Variants in DIAPH3 observed in about 807,000 individuals in gnomAD.
DIAPH3 encodes the protein protein diaphanous homolog 3.
Under a neutral mutation model 144.3 loss-of-function variants are expected in DIAPH3, and 117 were observed. The ratio of observed to expected loss-of-function variants is 0.81; its 90% CI spans 0.70 to 0.95. The LOEUF is 0.95. DIAPH3 is among the 40% of genes least tolerant of loss of function. DIAPH3 has a pLI of 0.00. For synonymous variants in DIAPH3, 519 were observed against 488.9 expected, an observed-to-expected ratio of 1.06 and a Z score of -0.81; for missense variants, 1,421 against 1,412.7, an observed-to-expected ratio of 1.01 and a Z score of -0.09.
chr13:60,059,507 T>C (rs927584396), intron 4 of DIAPH3, among the ~76,000 whole-genome samples: 1 of 152,064 alleles, frequency 6.6e-6, no homozygotes, highest in African/African-American at 2.4e-5. Context: ...CTTAAAATAC[T>C]TTACATAGAT....
intron 27 of DIAPH3, among the ~76,000 whole-genome samples, chr13:59,708,681 T>G (rs547284962): frequency 6.6e-6 from 1 of 152,114 alleles, no homozygotes. Flanking sequence ...AACTCTCATA[T>G]CTACACTTAA....
intron 27 of DIAPH3, among the ~76,000 whole-genome samples, chr13:59,751,731 A>G (rs2037016829): frequency 6.6e-6 from 1 of 152,254 alleles, no homozygotes; most frequent in South Asian, 2.1e-4. Context: ...GAGAATATCT[A>G]TTATACTGTT....
chr13:60,064,894 T>C (rs1195281114), intron 4 of DIAPH3, among the ~76,000 whole-genome samples: 3 of 152,128 alleles, frequency 2.0e-5, no homozygotes, highest in Non-Finnish European at 4.4e-5. Context: ...GAAGTCATTG[T>C]AGGGTTATTA....
At chr13:59,983,315 T>C (rs1457514725) in intron 13 of DIAPH3, among the ~76,000 whole-genome samples, 2 of 151,416 alleles carry the variant, frequency 1.3e-5, no homozygotes, top group Non-Finnish European at 3.0e-5. Flanking sequence ...CTATGGAGAA[T>C]TTGTAACATC....
rs867713294 is a variant in DIAPH3, at chr13:60,042,702, C to T, written c.614G>A (p.Ser205Asn). The T allele has an allele frequency of 1.2e-6, 2 of 1,613,602 alleles. No individual in the cohort carries two copies. The highest frequency in any genetic ancestry group is 1.7e-6 in the Non-Finnish European group (2 of 1,179,688). The change falls in exon 5 of 28, where the codon AGC becomes AAC. Residue 205 changes from serine to asparagine, a missense_variant. Transcript: ENST00000400324. ...ATAGATGAATTACCTCACAGGATTG[C>T]TGGTCAAAGACACTCGGAGAGACTC... is the stretch of plus-strand genomic sequence containing the variant. The part of the protein sequence containing the change: ...CLESLRVSLT[S>N]NPVSWVESFG...
intron 3 of DIAPH3, among the ~76,000 whole-genome samples, chr13:60,107,253 T>C (rs1030945524): frequency 6.6e-6 from 1 of 152,010 alleles, no homozygotes; most frequent in Non-Finnish European, 1.5e-5. Context: ...AACTGTATTC[T>C]TATACAGACA....
chr13:59,737,984 T>G (rs971912095), intron 27 of DIAPH3, among the ~76,000 whole-genome samples: 2 of 152,024 alleles, frequency 1.3e-5, no homozygotes, highest in African/African-American at 4.8e-5. Context: ...CTGGCCAAGA[T>G]GATGAAAATC....
At position 59,970,939 on chromosome 13, in the gene DIAPH3, A is replaced by C; in HGVS notation, c.1872T>G (p.Ser624=). 1 of 1,613,924 alleles carries C rather than the reference A, an allele frequency of 6.2e-7. No homozygotes were observed. Among genetic ancestry groups the C allele is most frequent in the Non-Finnish European group, 8.5e-7 (1 of 1,179,978 alleles). Residue 624 remains serine, a synonymous_variant, in exon 16 of 28, where the codon TCT becomes TCG. Coordinates refer to ENST00000400324, the MANE Select transcript of DIAPH3 (RefSeq NM_001042517.2). ...CAAATGGCAGGATTGGTAGAGGAGG[A>C]GAATTTTGTCCTCCAAGGAATCCCA... is the stretch of plus-strand genomic sequence containing the variant. ...PPLGFLGGQN[S]PPLPILPFGL...
At chr13:59,859,366 C>A in intron 22 of DIAPH3, among the ~76,000 whole-genome samples, 1 of 151,982 alleles carries the variant, frequency 6.6e-6, no homozygotes, top group East Asian at 1.9e-4. Flanking sequence ...AGAAAAATAC[C>A]CAGAAGAACC....
intron 1 of DIAPH3, among the ~76,000 whole-genome samples, chr13:60,150,413 G>A (rs1343252710): frequency 6.6e-6 from 1 of 152,186 alleles, no homozygotes; most frequent in Non-Finnish European, 1.5e-5. Context: ...CATAAATGCT[G>A]TGAGAAATTG....
intron 27 of DIAPH3, among the ~76,000 whole-genome samples, chr13:59,761,399 A>T (rs920425457): frequency 1.3e-5 from 2 of 152,224 alleles, no homozygotes; most frequent in African/African-American, 2.4e-5. Context: ...AGAGTTTTAC[A>T]CACTACCAGA....
chr13:59,953,669 T>C (rs568138479), intron 17 of DIAPH3, among the ~76,000 whole-genome samples: 7 of 152,308 alleles, frequency 4.6e-5, no homozygotes, highest in East Asian at 1.9e-4. Context: ...GAGTAAACGA[T>C]GTGTAGAGCA....
intron 9 of DIAPH3, among the ~76,000 whole-genome samples, chr13:59,995,096 GAC>G (rs913526868): frequency 2.6e-5 from 4 of 151,768 alleles, no homozygotes; most frequent in African/African-American, 9.7e-5. Context: ...ACCATTAGCA[GAC>G]ATACAAAATG....
chr13:59,983,972 T>A (rs1055857269), intron 12 of DIAPH3, 85 bp from the exon 13 acceptor site: 29 of 850,242 alleles, frequency 3.4e-5, no homozygotes, highest in Non-Finnish European at 4.9e-5. Context: ...AAGATTGATT[T>A]CAAGTTCAAC....
intron 27 of DIAPH3, among the ~76,000 whole-genome samples, chr13:59,689,324 C>G (rs2033385266): frequency 6.6e-6 from 1 of 152,000 alleles, no homozygotes; most frequent in Non-Finnish European, 1.5e-5. Context: ...CTGTCTCCTT[C>G]TTCACCCACA....
At chr13:59,852,500 C>T (rs1860168673) in intron 22 of DIAPH3, among the ~76,000 whole-genome samples, 1 of 152,156 alleles carries the variant, frequency 6.6e-6, no homozygotes, top group Non-Finnish European at 1.5e-5. Context: ...ACTCCGTTTT[C>T]AAAAGAAATC....
intron 25 of DIAPH3, among the ~76,000 whole-genome samples, chr13:59,791,327 A>G (rs565785085): frequency 6.6e-6 from 1 of 152,340 alleles, no homozygotes; most frequent in East Asian, 1.9e-4. Context: ...AAAAATTTAA[A>G]TATGAATTAA....
chr13:59,743,195 G>A (rs150849007), intron 27 of DIAPH3, among the ~76,000 whole-genome samples: 3,223 of 152,312 alleles, frequency 0.021, 56 homozygotes, highest in Non-Finnish European at 0.033. Flanking sequence ...ATGAAGGAAT[G>A]AAATGGACAG....
chr13:59,916,620 T>C (rs1402280162), intron 18 of DIAPH3, among the ~76,000 whole-genome samples: 1 of 152,156 alleles, frequency 6.6e-6, no homozygotes, highest in East Asian at 1.9e-4. Flanking sequence ...CCACAGTATG[T>C]GCATGTAATA....
Sources: allele counts gnomAD v4.1 joint callset (sites outside exome capture counted in the v4.1 genomes callset), GRCh38; gene constraint gnomAD v4.1.1; transcripts MANE v1.5; gene names NCBI Gene and HGNC (gene_info 2026-07-23, HGNC 2026-07-21).